The following WWOX variants were observed in gnomAD, a reference collection of about 807,000 sequenced individuals.
The protein encoded by WWOX is WW domain-containing oxidoreductase.
WWOX carries 69 observed loss-of-function variants against 46.2 expected under a neutral mutation model. The observed-to-expected ratio is 1.49, with a 90% CI of 1.23 to 1.82. The LOEUF (loss-of-function observed/expected upper bound fraction) is 1.82. Ranked by LOEUF, WWOX falls within the 40% of genes most tolerant of loss-of-function variation. WWOX has a pLI of 0.00. For missense variants in WWOX, 919 were observed against 542.6 expected (o/e 1.69, Z -6.89); for synonymous variants, 359 against 202.6 (o/e 1.77, Z -6.56).
intron 5 of WWOX, among the ~76,000 whole-genome samples, chr16:78,273,238 C>G (rs1373523443): frequency 6.6e-6 from 1 of 152,168 alleles, no homozygotes; most frequent in African/African-American, 2.4e-5. Flanking sequence ...TGCCAAACTT[C>G]CTAGCCTCCA....
intron 8 of WWOX, among the ~76,000 whole-genome samples, chr16:79,064,743 A>C (rs143401384): frequency 6.6e-6 from 1 of 152,186 alleles, no homozygotes; most frequent in Non-Finnish European, 1.5e-5. Context: ...CTACTATTCC[A>C]TGTGTGTGGG....
At position 78,981,857 on chromosome 16, in the gene WWOX, C is replaced by T. The variant is rs1251248486; in HGVS notation, c.1057-229751C>T. On this transcript the variant is annotated intron_variant, in intron 8 of 8. Coordinates refer to ENST00000566780, the MANE Select transcript of WWOX (RefSeq NM_016373.4). ...CTGAAGATGGTCTAATTTCAAAGTC[C>T]TTCCTGTGTCCACTTTGCCAGGTGC... 3 of 152,334 alleles carry T rather than the reference C, an allele frequency of 2.0e-5. No individual in the cohort carries two copies. The East Asian group carries it at 5.8e-4, about 29-fold the overall frequency. 9.4% of individuals were successfully genotyped at this position (152,334 alleles called of 1,614,324 possible). A position where few individuals can be genotyped will look rare whatever the true frequency, so the allele number is the denominator to read the frequency against.
At chr16:78,250,592 C>G (rs536555994) in intron 5 of WWOX, among the ~76,000 whole-genome samples, 41 of 152,146 alleles carry the variant, frequency 2.7e-4, no homozygotes, top group African/African-American at 9.9e-4. Flanking sequence ...AGGAAAGGCA[C>G]CAGGTTCAAG....
chr16:78,308,439 T>C (rs955177983), intron 5 of WWOX, among the ~76,000 whole-genome samples: 15 of 152,102 alleles, frequency 9.9e-5, no homozygotes, highest in African/African-American at 3.4e-4. Context: ...TTAAAACAGA[T>C]CCTAAGGCTG....
At chr16:79,043,463 G>A (rs940856657) in intron 8 of WWOX, among the ~76,000 whole-genome samples, 1 of 152,204 alleles carries the variant, frequency 6.6e-6, no homozygotes, top group African/African-American at 2.4e-5. Flanking sequence ...GCTTCAGGGA[G>A]GAAAAGCAAG....
At chr16:78,817,064 A>C (rs1185535564) in intron 8 of WWOX, among the ~76,000 whole-genome samples, 1 of 152,024 alleles carries the variant, frequency 6.6e-6, no homozygotes, top group Non-Finnish European at 1.5e-5. Context: ...GTGGAAATAC[A>C]AAGGTCAAAC....
At chr16:78,205,039 A>T (rs370965961) in intron 5 of WWOX, among the ~76,000 whole-genome samples, 53 of 152,346 alleles carry the variant, frequency 3.5e-4, no homozygotes, top group African/African-American at 1.2e-3. Context: ...AGACACTCTT[A>T]TGGCAGACAT....
rs139028162 is a variant in WWOX at position 78,826,402 on chromosome 16, A to T, written c.1057-385206A>T. On this transcript the variant is annotated intron_variant, in intron 8 of 8. Coordinates refer to ENST00000566780, the MANE Select transcript of WWOX (RefSeq NM_016373.4). ...ACAGTTCTGGAGGCCAGACATTCAG[A>T]ATCAAGGCAGGGCTATACTTACTTT... is the stretch of plus-strand genomic sequence containing the variant. Among the ~76,000 whole-genome samples, 727 of 152,348 alleles carry T rather than the reference A, an allele frequency of 4.8e-3. 4 individuals carry two copies. Among genetic ancestry groups the T allele is most frequent in the Non-Finnish European group, 6.8e-3 (462 of 68,018 alleles).
At chr16:78,792,239 T>G (rs2050623032) in intron 8 of WWOX, among the ~76,000 whole-genome samples, 1 of 152,194 alleles carries the variant, frequency 6.6e-6, no homozygotes, top group African/African-American at 2.4e-5. Context: ...CTGCTCATCT[T>G]TCTCACGAGT....
chr16:79,177,183 A>C (rs1402550479), intron 8 of WWOX, among the ~76,000 whole-genome samples: 1 of 152,102 alleles, frequency 6.6e-6, no homozygotes, highest in Non-Finnish European at 1.5e-5. Context: ...GTTCACATTG[A>C]AGTGTGAAAA....
intron 8 of WWOX, among the ~76,000 whole-genome samples, chr16:79,152,285 A>G (rs1235790615): frequency 2.6e-5 from 4 of 152,104 alleles, no homozygotes; most frequent in African/African-American, 9.7e-5. Flanking sequence ...GGACCATGCG[A>G]TGGGGAATGC....
At chr16:78,560,642 C>G (rs959088954) in intron 8 of WWOX, among the ~76,000 whole-genome samples, 7 of 151,996 alleles carry the variant, frequency 4.6e-5, no homozygotes, top group Middle Eastern at 3.4e-3. Context: ...GAAACTCTGT[C>G]TCAAAAAAAT....
intron 8 of WWOX, among the ~76,000 whole-genome samples, chr16:79,026,718 C>T (rs976117329): frequency 2.0e-5 from 3 of 147,878 alleles, no homozygotes; most frequent in African/African-American, 7.6e-5. Context: ...CCCGGGTTCA[C>T]ACCATTTTCC....
intron 8 of WWOX, among the ~76,000 whole-genome samples, chr16:78,439,676 T>A (rs905442610): frequency 1.1e-4 from 16 of 152,246 alleles, no homozygotes; most frequent in Non-Finnish European, 7.3e-5. Flanking sequence ...TACATCAGTT[T>A]AGCTGCTTTA....
intron 8 of WWOX, among the ~76,000 whole-genome samples, chr16:78,824,711 C>G (rs1597675137): frequency 6.6e-6 from 1 of 152,136 alleles, no homozygotes; most frequent in African/African-American, 2.4e-5. Flanking sequence ...CACTTATTCA[C>G]TATCACGAGG....
Position 79,170,302 on chromosome 16 carries a change from A to T in WWOX, c.1057-41306A>T, listed in dbSNP as rs142563675. Among the ~76,000 whole-genome samples, 224 of 152,330 alleles carry T rather than the reference A, an allele frequency of 1.5e-3. 1 individual carries two copies. The highest frequency in any genetic ancestry group is 5.1e-3 in the African/African-American group (214 of 41,588). On this transcript the variant is annotated intron_variant, in intron 8 of 8. Coordinates refer to ENST00000566780, the MANE Select transcript of WWOX (RefSeq NM_016373.4). Reference sequence around the variant, plus strand: ...CAATTTATAGTTGAGGAAATAGAGGATCAGAGAAGCTACGTGATCTATGCA... The same window carrying T: ...CAATTTATAGTTGAGGAAATAGAGGTTCAGAGAAGCTACGTGATCTATGCA...
intron 5 of WWOX, among the ~76,000 whole-genome samples, chr16:78,322,693 C>A (rs771154308): frequency 2.1e-4 from 32 of 152,212 alleles, no homozygotes; most frequent in Non-Finnish European, 7.3e-5. Context: ...AACAAAGTTA[C>A]TCTGTGGAGC....
chr16:78,213,318 C>T (rs2036618988), intron 5 of WWOX, among the ~76,000 whole-genome samples: 1 of 151,190 alleles, frequency 6.6e-6, no homozygotes, highest in African/African-American at 2.4e-5. Flanking sequence ...CTTACATGTG[C>T]CTCTGTTCTT....
intron 8 of WWOX, among the ~76,000 whole-genome samples, chr16:79,141,211 T>A (rs2050082769): frequency 6.6e-6 from 1 of 152,224 alleles, no homozygotes; most frequent in Non-Finnish European, 1.5e-5. Flanking sequence ...CTTATCTACC[T>A]ATGACCTGGA....
Sources: gnomAD v4.1 joint callset for allele counts (sites outside exome capture counted in the v4.1 genomes callset) on GRCh38, gnomAD v4.1.1 for gene constraint, MANE v1.5 for transcripts, NCBI Gene and HGNC (gene_info 2026-07-23, HGNC 2026-07-21) for gene names.